STXBP5L: variants seen among roughly 807,000 people sequenced by gnomAD.
The protein encoded by STXBP5L is syntaxin binding protein 5L, also known as syntaxin-binding protein 5-like.
In STXBP5L, 65 loss-of-function variants were observed where a neutral mutation model predicts 144.5. The ratio of observed to expected loss-of-function variants is 0.45; its 90% confidence interval spans 0.37 to 0.55. The LOEUF (loss-of-function observed/expected upper bound fraction) is 0.55. Ranked by LOEUF, STXBP5L falls within the 20% of genes least tolerant of loss-of-function variation. The pLI, the probability that STXBP5L is intolerant of heterozygous loss-of-function variation, is 0.00. For synonymous variants in STXBP5L, 505 were observed against 469.6 expected (o/e 1.08, Z -0.97); for missense variants, 1,298 against 1,405.5 (o/e 0.92, Z 1.22).
chr3:121,054,968 C>T (rs1259318689), intron 5 of STXBP5L, among the ~76,000 whole-genome samples: 1 of 151,966 alleles, frequency 6.6e-6, no homozygotes, highest in Non-Finnish European at 1.5e-5. Flanking sequence ...CTTTTATGGA[C>T]TTTTTGGGAG....
At chr3:121,400,864 G>C (rs2046855662) in intron 22 of STXBP5L, among the ~76,000 whole-genome samples, 1 of 151,988 alleles carries the variant, frequency 6.6e-6, no homozygotes, top group African/African-American at 2.4e-5. Context: ...CAAAATAGAG[G>C]TTAAATGTTC....
chr3:121,320,733 G>T (rs1278320870), intron 20 of STXBP5L, among the ~76,000 whole-genome samples: 2 of 139,054 alleles, frequency 1.4e-5, no homozygotes, highest in Non-Finnish European at 3.1e-5. Flanking sequence ...ACGGAGTCTT[G>T]CTCTGTCACC....
intron 2 of STXBP5L, among the ~76,000 whole-genome samples, chr3:120,954,398 C>G (rs1175561222): frequency 6.6e-6 from 1 of 152,080 alleles, no homozygotes; most frequent in African/African-American, 2.4e-5. Context: ...TTCAAGACAA[C>G]TACTGTTCTG....
chr3:121,418,323 G>A lies in STXBP5L; in HGVS notation c.3227-14G>A, dbSNP rs777239054. Reference sequence around the variant, plus strand: ...TGACAAAATGTTTTAAATTGCTATTGCATATATTCTCAGTTGGGGAAGCTT... The same window carrying A: ...TGACAAAATGTTTTAAATTGCTATTACATATATTCTCAGTTGGGGAAGCTT... On this transcript the variant is annotated splice_polypyrimidine_tract_variant and intron_variant, in intron 25 of 26. Transcript: ENST00000471454. 5.6e-6 allele frequency: 9 copies of A among 1,609,234 alleles called. No homozygotes were observed. In the Admixed American group the frequency reaches 1.5e-4, roughly 27 times the overall value.
intron 5 of STXBP5L, among the ~76,000 whole-genome samples, chr3:121,078,734 T>C (rs541688117): frequency 4.6e-5 from 7 of 152,332 alleles, no homozygotes; most frequent in Admixed American, 1.3e-4. Context: ...AGAAATCAAG[T>C]GCAATGCCAG....
At chr3:121,001,575 G>T (rs907658207) in intron 3 of STXBP5L, among the ~76,000 whole-genome samples, 1 of 152,272 alleles carries the variant, frequency 6.6e-6, no homozygotes, top group South Asian at 2.1e-4. Flanking sequence ...CTCCCAAGCA[G>T]CTCCCACTTG....
At chr3:121,079,366 G>A (rs2107687100) in intron 5 of STXBP5L, among the ~76,000 whole-genome samples, 1 of 152,342 alleles carries the variant, frequency 6.6e-6, no homozygotes, top group African/African-American at 2.4e-5. Flanking sequence ...CTGCAGCCAT[G>A]CAGGAACTCA....
intron 9 of STXBP5L, among the ~76,000 whole-genome samples, chr3:121,173,974 G>A (rs12632608): frequency 0.12 from 18,735 of 151,958 alleles, 1,420 homozygotes; most frequent in Middle Eastern, 0.18. Context: ...AGAACCGGAG[G>A]GATCACCTTT....
intron 6 of STXBP5L, among the ~76,000 whole-genome samples, chr3:121,121,310 C>A (rs1422627196): frequency 1.3e-5 from 2 of 151,280 alleles, no homozygotes; most frequent in East Asian, 3.9e-4. Context: ...CTGTAGTGTT[C>A]TTTTATCTAT....
At chr3:121,245,462 A>G (rs931639350) in intron 14 of STXBP5L, among the ~76,000 whole-genome samples, 1 of 152,010 alleles carries the variant, frequency 6.6e-6, no homozygotes, top group African/African-American at 2.4e-5. Context: ...CTGTACCAAT[A>G]ATTATGTTAA....
At chr3:120,957,482 C>T (rs1005569884) in intron 3 of STXBP5L, among the ~76,000 whole-genome samples, 5 of 151,804 alleles carry the variant, frequency 3.3e-5, no homozygotes, top group African/African-American at 9.7e-5. Context: ...CTAGGTTTAT[C>T]GAGGATATTG....
intron 5 of STXBP5L, among the ~76,000 whole-genome samples, chr3:121,079,931 C>T (rs1391446019): frequency 6.6e-6 from 1 of 152,068 alleles, no homozygotes; most frequent in Middle Eastern, 3.2e-3. Context: ...ATTGAAGTGC[C>T]CCACTATTAT....
intron 7 of STXBP5L, among the ~76,000 whole-genome samples, chr3:121,123,544 A>G (rs907156521): frequency 1.3e-5 from 2 of 151,556 alleles, no homozygotes; most frequent in African/African-American, 4.8e-5. Flanking sequence ...TTATATTTGT[A>G]CTTATATATT....
chr3:121,177,586 G>GACAC (rs2046984947), intron 9 of STXBP5L, among the ~76,000 whole-genome samples: 1 of 152,126 alleles, frequency 6.6e-6, no homozygotes, highest in Non-Finnish European at 1.5e-5. Context: ...CCATTAGGAT[G>GACAC]ATTACTGTCA....
chr3:120,928,387 G>A (rs1456435370), intron 2 of STXBP5L, among the ~76,000 whole-genome samples: 1 of 151,894 alleles, frequency 6.6e-6, no homozygotes, highest in Admixed American at 6.6e-5. Context: ...CTCAGCCTCT[G>A]GAGTAGCTGA....
chr3:121,142,918 C>G (rs1232822778), intron 7 of STXBP5L, among the ~76,000 whole-genome samples: 1 of 151,454 alleles, frequency 6.6e-6, no homozygotes, highest in Non-Finnish European at 1.5e-5. Context: ...ATAAAAAAAT[C>G]AACAAAACTG....
At chr3:121,319,437 A>C (rs1318726836) in intron 20 of STXBP5L, among the ~76,000 whole-genome samples, 4 of 152,124 alleles carry the variant, frequency 2.6e-5, no homozygotes, top group Admixed American at 1.3e-4. Context: ...AAAAGTGGTT[A>C]GTTCTTTATT....
At chr3:121,188,858 A>C (rs1480095996) in intron 9 of STXBP5L, among the ~76,000 whole-genome samples, 3 of 152,230 alleles carry the variant, frequency 2.0e-5, no homozygotes, top group Admixed American at 6.5e-5. Context: ...TATCATACTG[A>C]ATGGGCAAAA....
intron 2 of STXBP5L, among the ~76,000 whole-genome samples, chr3:120,948,941 A>G (rs1378566259): frequency 6.6e-6 from 1 of 151,674 alleles, no homozygotes; most frequent in African/African-American, 2.4e-5. Context: ...GGATTGCTGG[A>G]TCAAATGGTA....
Sources: allele counts gnomAD v4.1 joint callset (sites outside exome capture counted in the v4.1 genomes callset), GRCh38; gene constraint gnomAD v4.1.1; transcripts MANE v1.5; gene names NCBI Gene and HGNC (gene_info 2026-07-23, HGNC 2026-07-21).